MYOM1: variants seen among roughly 807,000 people sequenced by gnomAD.
MYOM1 encodes myomesin 1.
In MYOM1, 164 loss-of-function variants were observed where a neutral mutation model predicts 205.3. That is an observed-to-expected ratio of 0.80 (90% CI 0.70 to 0.91). The LOEUF (loss-of-function observed/expected upper bound fraction) is 0.91, where lower values mean the gene tolerates loss of function less well. Among genes scored for constraint, MYOM1 ranks in the 40% least tolerant of loss-of-function variants. The pLI, the probability that MYOM1 is intolerant of heterozygous loss-of-function variation, is 0.00. For synonymous variants in MYOM1, 772 were observed against 789.4 expected (o/e 0.98, Z 0.37); for missense variants, 2,011 against 2,127.3 (o/e 0.95, Z 1.08).
chr18:3,122,180 G>GTT lies in MYOM1; in HGVS notation c.2992-2187_2992-2186dup, dbSNP rs71366636. ...ATAGAAAGTACAAAATAAGATATTA[G>GTT]TTTTTTTTTTTTTTTAAGTAATCAG... On this transcript the variant is annotated intron_variant, in intron 19 of 37. Transcript: ENST00000356443. Among the ~76,000 whole-genome samples, 1,015 of 138,634 alleles carry GTT rather than the reference G, an allele frequency of 7.3e-3. 4 individuals carry two copies. Among genetic ancestry groups the GTT allele is most frequent in the African/African-American group, 9.6e-3 (368 of 38,400 alleles). 90.9% of individuals were successfully genotyped at this position (138,634 alleles called of 152,430 possible). A position where few individuals can be genotyped will look rare whatever the true frequency, so the allele number is the denominator to read the frequency against.
chr18:3,243,954 G>A, the MYOM1 span, among the ~76,000 whole-genome samples: 3 of 152,168 alleles, frequency 2.0e-5, no homozygotes, highest in Non-Finnish European at 4.4e-5. Context: ...TGAGGCAGGA[G>A]CAATGGATAG....
In MYOM1 at chr18:3,090,766, T is replaced by A. The variant is rs2079215669; in HGVS notation, c.3901A>T (p.Ile1301Phe). The change falls in exon 27 of 38, where the codon ATC becomes TTC. Residue 1301 changes from isoleucine (I) to phenylalanine (F), a missense_variant. Ile to Phe is a conservative substitution (Grantham distance 21). Coordinates refer to ENST00000356443, the MANE Select transcript of MYOM1 (RefSeq NM_003803.4). Reference protein sequence around the residue: ...KMHIDRNTGIIEMFMEKLQDE... With the variant: ...KMHIDRNTGIFEMFMEKLQDE... ...TGTAGCTTTTCCATGAACATTTCGATGATGCCAGTGTTTCGGTCAATATGC... is the reference window on the plus strand; with the variant it reads ...TGTAGCTTTTCCATGAACATTTCGAAGATGCCAGTGTTTCGGTCAATATGC... 1 of 1,614,008 alleles carries A rather than the reference T, an allele frequency of 6.2e-7. No homozygotes were observed. Among genetic ancestry groups the A allele is most frequent in the Middle Eastern group, 1.6e-4 (1 of 6,062 alleles).
chr18:3,071,741 G>T, intron 37 of MYOM1, 93 bp downstream of exon 37: 1 of 1,249,944 alleles, frequency 8.0e-7, no homozygotes, highest in Non-Finnish European at 1.1e-6. Flanking sequence ...GTGGTGGGCT[G>T]TTAAGTGTGC....
chr18:3,176,162 T>A, intron 5 of MYOM1, 28 bp from the exon 6 acceptor site: 1 of 1,363,136 alleles, frequency 7.3e-7, no homozygotes, highest in Non-Finnish European at 1.0e-6. Flanking sequence ...CAAAATGAAG[T>A]AAGTTGAAGT....
At chr18:3,076,189 A>G (rs2143646568) in intron 34 of MYOM1, among the ~76,000 whole-genome samples, 1 of 152,168 alleles carries the variant, frequency 6.6e-6, no homozygotes, top group Admixed American at 6.5e-5. Context: ...CAGCCTCTCA[A>G]GTAGCTGGGG....
At chr18:3,082,091 T>C (rs1422057096) in intron 33 of MYOM1, among the ~76,000 whole-genome samples, 5 of 152,204 alleles carry the variant, frequency 3.3e-5, no homozygotes, top group African/African-American at 9.6e-5. Context: ...CAGTTCACAA[T>C]AGGGTTCGCG....
chr18:3,201,759 T>A (rs2081071852), intron 2 of MYOM1, among the ~76,000 whole-genome samples: 1 of 151,574 alleles, frequency 6.6e-6, no homozygotes, highest in Admixed American at 6.6e-5. Context: ...TCCTCCCACC[T>A]CAGCCTCTCA....
intron 19 of MYOM1, 109 bp downstream of exon 19, chr18:3,126,591 TG>T: frequency 2.1e-6 from 2 of 949,008 alleles, no homozygotes; most frequent in Non-Finnish European, 3.1e-6. Context: ...CAATGGACTC[TG>T]GAGAAATGAC....
chr18:3,109,854 G>C (rs890891564), intron 22 of MYOM1, among the ~76,000 whole-genome samples: 3 of 152,006 alleles, frequency 2.0e-5, no homozygotes, highest in African/African-American at 7.3e-5. Context: ...TCCAACTCCT[G>C]GGCTCAAGTG....
chr18:3,083,499 G>A (rs1245307906), intron 33 of MYOM1, among the ~76,000 whole-genome samples: 5 of 142,274 alleles, frequency 3.5e-5, no homozygotes, highest in Non-Finnish European at 1.5e-5. Context: ...TGCAATCTCG[G>A]CTCACTGCAA....
At chr18:3,174,906 TA>T (rs2080614728) in intron 6 of MYOM1, among the ~76,000 whole-genome samples, 1 of 152,222 alleles carries the variant, frequency 6.6e-6, no homozygotes, top group Non-Finnish European at 1.5e-5. Context: ...GGAATTCTTA[TA>T]AAAATGGACC....
Position 3,142,010 on chromosome 18 carries a change from T to A in MYOM1, c.1954A>T (p.Ser652Cys). The A allele has an allele frequency of 1.9e-6, 3 of 1,613,636 alleles. 1 individual carries two copies. Among genetic ancestry groups the A allele is most frequent in the Middle Eastern group, 3.3e-4 (2 of 6,052 alleles). ...TDLSVTEATR[S>C]YVVLSWKPPG... ...GGCTTCCAGCTGAGCACCACATAGCTCCGGGTGGCCTCAGTGACAGAGAGG... is the reference window on the plus strand; with the variant it reads ...GGCTTCCAGCTGAGCACCACATAGCACCGGGTGGCCTCAGTGACAGAGAGG... The change falls in exon 14 of 38, where the codon AGC becomes TGC. Residue 652 changes from serine (S) to cysteine (C), a missense_variant. Transcript: ENST00000356443.
intron 3 of MYOM1, among the ~76,000 whole-genome samples, chr18:3,191,501 G>A (rs1483249087): frequency 6.6e-6 from 1 of 152,110 alleles, no homozygotes. Flanking sequence ...AGCACCTTGC[G>A]TGAGTCCCAG....
At chr18:3,100,567 T>C (rs1176860402) in intron 23 of MYOM1, 141 bp from the exon 24 acceptor site, 11 of 653,754 alleles carry the variant, frequency 1.7e-5, no homozygotes, top group East Asian at 2.7e-5. Flanking sequence ...AGCCTACATG[T>C]TCTTGGTGTC....
intron 25 of MYOM1, 109 bp downstream of exon 25, chr18:3,100,050 T>G: frequency 8.9e-7 from 1 of 1,120,358 alleles, no homozygotes; most frequent in Non-Finnish European, 1.3e-6. Context: ...CCATTATATG[T>G]TCTCAAGAGT....
intron 37 of MYOM1, among the ~76,000 whole-genome samples, chr18:3,068,500 TG>T (rs2078923884): frequency 6.6e-6 from 1 of 152,140 alleles, no homozygotes; most frequent in Non-Finnish European, 1.5e-5. Flanking sequence ...AAGAACCCCT[TG>T]CGTTGTCCTT....
At chr18:3,168,656 A>G (rs1460622341) in intron 9 of MYOM1, among the ~76,000 whole-genome samples, 161 bp downstream of exon 9, 1 of 152,166 alleles carries the variant, frequency 6.6e-6, no homozygotes, top group Non-Finnish European at 1.5e-5. Context: ...CTCCACAAAT[A>G]TGAAAGTGTT....
chr18:3,229,687 T>C, the MYOM1 span, among the ~76,000 whole-genome samples: 2 of 152,140 alleles, frequency 1.3e-5, no homozygotes, highest in Non-Finnish European at 2.9e-5. Context: ...TAGTGAGATG[T>C]GGCCGGGCGC....
At position 3,067,375 on chromosome 18, in the gene MYOM1, T is replaced by C; in HGVS notation, c.4945A>G (p.Lys1649Glu). The stretch of plus-strand genomic sequence containing the variant: ...CTGGTCTCCGAGCCATACTTGTTCT[T>C]CACAACCAGCCCGTATTTGCCCGAG... ...ADSGKYGLVV[K>E]NKYGSETSDF... Residue 1649 changes from lysine (K) to glutamate (E), a missense_variant, in exon 38 of 38, where the codon AAG becomes GAG. Lys to Glu is a moderately conservative substitution (Grantham distance 56, BLOSUM62 1). Transcript: ENST00000356443. 6.2e-7 allele frequency: 1 copy of C among 1,613,020 alleles called. No individual in the cohort carries two copies. Among genetic ancestry groups the C allele is most frequent in the South Asian group, 1.1e-5 (1 of 91,028 alleles).
Sources: allele counts gnomAD v4.1 joint callset (sites outside exome capture counted in the v4.1 genomes callset), GRCh38; gene constraint gnomAD v4.1.1; transcripts MANE v1.5; gene names NCBI Gene and HGNC (gene_info 2026-07-23, HGNC 2026-07-21).